Variants in DCAF12 observed in about 807,000 individuals in gnomAD.
The protein encoded by DCAF12 is DDB1 and CUL4 associated factor 12.
Under a neutral mutation model 52.8 loss-of-function variants are expected in DCAF12, and 28 were observed. That is an observed-to-expected ratio of 0.53 (90% CI 0.39 to 0.73). The LOEUF is 0.73. DCAF12 is among the 30% of genes least tolerant of loss of function. The probability of loss-of-function intolerance (pLI) is 0.00; values close to 1 mark genes in which losing one functional copy is unlikely to be tolerated. For synonymous variants in DCAF12, 196 were observed against 215.5 expected (o/e 0.91, Z 0.79); for missense variants, 425 against 552.2 (o/e 0.77, Z 2.31).
At chr9:34,120,669 C>CAAAAAAAAAAAAAA (rs71506167) in intron 2 of DCAF12, among the ~76,000 whole-genome samples, 2 of 117,140 alleles carry the variant, frequency 1.7e-5, no homozygotes, top group Non-Finnish European at 3.5e-5. Flanking sequence ...GACGCGGTCT[C>CAAAAAAAAAAAAAA]AAAAAAAAAA....
At position 34,086,541 on chromosome 9, in the gene DCAF12, T is replaced by C. The variant is rs1335525578; in HGVS notation, c.*1809A>G. The C allele has an allele frequency of 6.6e-6, 1 of 152,126 alleles. No homozygotes were observed. The highest frequency in any genetic ancestry group is 1.5e-5 in the Non-Finnish European group (1 of 68,020). 9.4% of individuals were successfully genotyped at this position (152,126 alleles called of 1,614,324 possible). On this transcript the variant is annotated 3_prime_UTR_variant, in exon 9 of 9. Transcript: ENST00000361264. ...CTACTGAAGATTTTTTTTTTAAATATACAAGTCAGTTTAAAATGATAGAAG... is the reference window on the plus strand; with the variant it reads ...CTACTGAAGATTTTTTTTTTAAATACACAAGTCAGTTTAAAATGATAGAAG...
rs1224616999 is a variant in DCAF12 at position 34,126,376 on chromosome 9, C to T, written c.56G>A (p.Gly19Glu). 2 of 1,612,306 alleles carry T rather than the reference C, an allele frequency of 1.2e-6. No individual in the cohort carries two copies. The highest frequency in any genetic ancestry group is 2.2e-5 in the East Asian group (1 of 44,876). Residue 19 changes from glycine (G) to glutamate (E), a missense_variant, in exon 1 of 9, where the codon GGG becomes GAG. Around this residue, in one of 3 missense-constraint regions of DCAF12, gnomAD observed 89 missense variants for 84.9 expected, o/e 1.05. Coordinates refer to ENST00000361264, the MANE Select transcript of DCAF12 (RefSeq NM_015397.4). ...CACCTGCGGGCCCTGAGCGTCGCTC[C>T]CAGCTCCCGGCGAGGCGGGCGCTTT... is the stretch of plus-strand genomic sequence containing the variant. ...KRKAPASPGA[G>E]SDAQGPQFGW...
chr9:34,111,024 C>T lies in DCAF12; in HGVS notation c.334-3459G>A, dbSNP rs559840228. On this transcript the variant is annotated intron_variant, in intron 2 of 8. Transcript: ENST00000361264. Reference sequence around the variant, plus strand: ...TTTTTGAGACCAAGTCTTGCTCTGTCGCCCAGGCTGGAGTGCAGTGGCATG... The same window carrying T: ...TTTTTGAGACCAAGTCTTGCTCTGTTGCCCAGGCTGGAGTGCAGTGGCATG... Among the ~76,000 whole-genome samples the T allele has an allele frequency of 2.2e-5, 3 of 134,832 alleles. No homozygotes were observed. The South Asian group carries it at 7.0e-4, about 31-fold the overall frequency. 88.5% of individuals were successfully genotyped at this position (134,832 alleles called of 152,430 possible). A position where few individuals can be genotyped will look rare whatever the true frequency, so the allele number is the denominator to read the frequency against.
intron 2 of DCAF12, among the ~76,000 whole-genome samples, chr9:34,108,457 G>T (rs1587737120): frequency 6.6e-6 from 1 of 152,236 alleles, no homozygotes; most frequent in East Asian, 1.9e-4. Context: ...TGCTTACACA[G>T]AAGATATATG....
At chr9:34,096,009 A>G (rs1475329442) in intron 6 of DCAF12, 1 of 152,164 alleles carries the variant, frequency 6.6e-6, no homozygotes, top group Non-Finnish European at 1.5e-5. Flanking sequence ...CAGACTCAAA[A>G]TTTCATGTAC....
intron 4 of DCAF12, among the ~76,000 whole-genome samples, chr9:34,099,586 A>G (rs546298329): frequency 6.9e-6 from 1 of 145,064 alleles, no homozygotes; most frequent in Non-Finnish European, 1.5e-5. Flanking sequence ...TTTCTTTTTT[A>G]TTTTTCTTTT....
At chr9:34,106,338 CGGCTG>C in intron 4 of DCAF12, 91 bp downstream of exon 4, 1 of 1,078,222 alleles carries the variant, frequency 9.3e-7, no homozygotes, top group Non-Finnish European at 1.4e-6. Flanking sequence ...TCACTGAGCC[CGGCTG>C]GGCTGTTTCC....
At chr9:34,116,091 C>CCCT (rs1829083940) in intron 2 of DCAF12, among the ~76,000 whole-genome samples, 1 of 152,090 alleles carries the variant, frequency 6.6e-6, no homozygotes, top group Non-Finnish European at 1.5e-5. Context: ...GGGCTGGGTG[C>CCCT]GGTGGCTCAC....
intron 2 of DCAF12, among the ~76,000 whole-genome samples, chr9:34,117,698 T>A (rs1587741356): frequency 6.6e-6 from 1 of 152,128 alleles, no homozygotes; most frequent in African/African-American, 2.4e-5. Context: ...GAGGATCACC[T>A]GAGGTTGGGA....
At chr9:34,111,237 G>C (rs1828998560) in intron 2 of DCAF12, among the ~76,000 whole-genome samples, 1 of 152,124 alleles carries the variant, frequency 6.6e-6, no homozygotes, top group Non-Finnish European at 1.5e-5. Flanking sequence ...ACCTGCCTCA[G>C]CCTCCCAAAG....
chr9:34,119,827 G>A (rs1161816140), intron 2 of DCAF12, among the ~76,000 whole-genome samples: 2 of 151,012 alleles, frequency 1.3e-5, no homozygotes, highest in Non-Finnish European at 2.9e-5. Context: ...TCAGCCTCCT[G>A]AGTAGCTAGG....
intron 2 of DCAF12, among the ~76,000 whole-genome samples, chr9:34,123,428 G>A (rs1344316905): frequency 6.6e-6 from 1 of 152,182 alleles, no homozygotes; most frequent in Admixed American, 6.5e-5. Flanking sequence ...CCATTTTGCA[G>A]ATGCAAAAAC....
Position 34,125,236 on chromosome 9 carries a change from A to AG in DCAF12, c.119dup (p.Pro41SerfsTer20). The stretch of plus-strand genomic sequence containing the variant: ...AGTATACTAAGGATCTCTTCACAGG[A>AG]GGAAGTCTTTTCCTTTTGTGAAGCG... On this transcript the variant is annotated frameshift_variant, in exon 2 of 9. Coordinates refer to ENST00000361264, the MANE Select transcript of DCAF12 (RefSeq NM_015397.4). LOFTEE classifies it high-confidence loss of function. 1 of 1,614,160 alleles carries AG rather than the reference A, an allele frequency of 6.2e-7. No homozygotes were observed. Among genetic ancestry groups the AG allele is most frequent in the Non-Finnish European group, 8.5e-7 (1 of 1,180,042 alleles).
intron 7 of DCAF12, among the ~76,000 whole-genome samples, chr9:34,090,266 G>T (rs549591028): frequency 6.6e-6 from 1 of 152,154 alleles, no homozygotes; most frequent in African/African-American, 2.4e-5. Context: ...GTTTCACCAT[G>T]TTGGCCAGGC....
intron 2 of DCAF12, among the ~76,000 whole-genome samples, chr9:34,108,261 T>C (rs1026930787): frequency 3.3e-5 from 5 of 152,214 alleles, no homozygotes; most frequent in African/African-American, 1.2e-4. Flanking sequence ...GATTCAACAG[T>C]TCATTCCTTC....
intron 1 of DCAF12, chr9:34,125,534 G>A (rs1829235326): frequency 1.7e-6 from 1 of 596,018 alleles, no homozygotes; most frequent in African/African-American, 1.8e-5. Flanking sequence ...GAATAGAACA[G>A]ACTAAAAGGT....
chr9:34,092,684 C>T (rs1372122557), intron 7 of DCAF12, among the ~76,000 whole-genome samples: 2 of 135,764 alleles, frequency 1.5e-5, no homozygotes, highest in African/African-American at 5.6e-5. Context: ...GACTCTGTCT[C>T]AAAAAAAAAA....
intron 5 of DCAF12, 45 bp downstream of exon 5, chr9:34,098,279 T>C (rs747824831): frequency 1.3e-6 from 2 of 1,584,456 alleles, no homozygotes; most frequent in Non-Finnish European, 1.7e-6. Flanking sequence ...TCCCAAGACA[T>C]AAGCAAGAGG....
At chr9:34,093,241 T>C in intron 7 of DCAF12, 45 bp downstream of exon 7, 1 of 1,609,156 alleles carries the variant, frequency 6.2e-7, no homozygotes, top group Non-Finnish European at 8.5e-7. Context: ...TCAGAACCCA[T>C]ATGCAGTGCA....
Sources: allele counts gnomAD v4.1 joint callset (sites outside exome capture counted in the v4.1 genomes callset), GRCh38; gene constraint gnomAD v4.1.1; regional missense constraint gnomAD v4.1.1; transcripts MANE v1.5; gene names NCBI Gene and HGNC (gene_info 2026-07-23, HGNC 2026-07-21).